The following ARMH4 variants were observed in gnomAD, a reference collection of about 807,000 sequenced individuals.
The protein encoded by ARMH4 is armadillo like helical domain containing 4, also known as armadillo-like helical domain-containing protein 4.
In ARMH4, 49 loss-of-function variants were observed where a neutral mutation model predicts 61.9. The observed-to-expected ratio is 0.79, with a 90% CI of 0.63 to 1.00. The LOEUF (loss-of-function observed/expected upper bound fraction) is 1.00. Ranked by LOEUF, ARMH4 falls within the 50% of genes least tolerant of loss-of-function variation. The probability of loss-of-function intolerance (pLI) is 0.00; values close to 1 mark genes in which losing one functional copy is unlikely to be tolerated. For synonymous variants in ARMH4, 368 were observed against 341.5 expected, an observed-to-expected ratio of 1.08 and a Z score of -0.85; for missense variants, 934 against 930.0, an observed-to-expected ratio of 1.00 and a Z score of -0.06.
intron 5 of ARMH4, among the ~76,000 whole-genome samples, chr14:58,064,908 A>G (rs1276457899): frequency 2.0e-5 from 3 of 152,202 alleles, no homozygotes; most frequent in Non-Finnish European, 4.4e-5. Context: ...GTAATGCTGG[A>G]TCTTGTAGGA....
At position 58,138,141 on chromosome 14, in the gene ARMH4, G is replaced by A; in HGVS notation, c.1218C>T (p.Asp406=). 6.2e-7 allele frequency: 1 copy of A among 1,614,214 alleles called. No individual in the cohort carries two copies. The highest frequency in any genetic ancestry group is 8.5e-7 in the Non-Finnish European group (1 of 1,180,038). Reference sequence around the variant, plus strand: ...GCAAGTTCACAATGGAAACTTTCATGTCTTCCATCAGACTTGTGGGGGTAA... The same window carrying A: ...GCAAGTTCACAATGGAAACTTTCATATCTTCCATCAGACTTGTGGGGGTAA... The part of the protein sequence containing the change: ...SSFTPTSLME[D]MKVSIVNLLQ... The change falls in exon 2 of 8, where the codon GAC becomes GAT. Residue 406 remains aspartate, a synonymous_variant. Transcript: ENST00000267485.
chr14:58,083,024 A>G (rs1885274844), intron 5 of ARMH4, among the ~76,000 whole-genome samples: 1 of 152,178 alleles, frequency 6.6e-6, no homozygotes, highest in Non-Finnish European at 1.5e-5. Flanking sequence ...CTAGCTGCAG[A>G]GGATCCAGTG....
intron 4 of ARMH4, among the ~76,000 whole-genome samples, chr14:58,117,824 T>G (rs531712302): frequency 6.6e-6 from 1 of 152,054 alleles, no homozygotes; most frequent in African/African-American, 2.4e-5. Context: ...AGTGGTATGA[T>G]CACAGTTCAC....
chr14:58,089,597 C>T (rs1885493490), intron 5 of ARMH4, among the ~76,000 whole-genome samples: 1 of 152,186 alleles, frequency 6.6e-6, no homozygotes, highest in Admixed American at 6.5e-5. Flanking sequence ...AAATTAATCC[C>T]TTACAGTGCA....
intron 5 of ARMH4, among the ~76,000 whole-genome samples, chr14:58,082,804 C>A (rs945598663): frequency 6.6e-6 from 1 of 152,146 alleles, no homozygotes; most frequent in Non-Finnish European, 1.5e-5. Context: ...TTGAGAAAGT[C>A]CACCCCTGAA....
chr14:58,066,720 C>T (rs1242982073), intron 5 of ARMH4, among the ~76,000 whole-genome samples: 2 of 152,190 alleles, frequency 1.3e-5, no homozygotes, highest in African/African-American at 4.8e-5. Flanking sequence ...AAACCAAAAA[C>T]AGCTGTACTG....
intron 5 of ARMH4, among the ~76,000 whole-genome samples, chr14:58,089,618 T>C (rs1384278629): frequency 6.6e-6 from 1 of 152,218 alleles, no homozygotes; most frequent in Non-Finnish European, 1.5e-5. Flanking sequence ...TAATAAATGA[T>C]AATGTTTTAA....
At chr14:58,012,981 T>C (rs12884342) in intron 5 of ARMH4, among the ~76,000 whole-genome samples, 26,733 of 152,182 alleles carry the variant, frequency 0.18, 3,166 homozygotes, top group East Asian at 0.56. Context: ...TGTTTCAACA[T>C]TGAATGAAGA....
chr14:58,146,296 A>G (rs1405053584), intron 1 of ARMH4, among the ~76,000 whole-genome samples: 1 of 152,236 alleles, frequency 6.6e-6, no homozygotes, highest in Non-Finnish European at 1.5e-5. Flanking sequence ...AATCATAAGA[A>G]TGTTTAACAA....
rs1250108357 is a variant in ARMH4 at position 58,131,641 on chromosome 14, C to G, written c.1702G>C (p.Val568Leu). The G allele has an allele frequency of 1.2e-6, 2 of 1,614,112 alleles. No homozygotes were observed. The highest frequency in any genetic ancestry group is 3.3e-5 in the Admixed American group (2 of 60,028). ...GSPVTPPGIM[V>L]GEPSISPALP... ...GCAGGGGAAATGCTGGGTTCCCCCA[C>G]CATTATTCCAGGAGGTGTCACTGGA... Residue 568 changes from valine (V) to leucine (L), a missense_variant, in exon 4 of 8, where the codon GTG becomes CTG. By Grantham distance (32) the Val-to-Leu change is conservative (BLOSUM62 1). Coordinates refer to ENST00000267485, the MANE Select transcript of ARMH4 (RefSeq NM_001001872.4).
chr14:58,060,580 C>T (rs1884495791), intron 5 of ARMH4, among the ~76,000 whole-genome samples: 1 of 152,176 alleles, frequency 6.6e-6, no homozygotes, highest in African/African-American at 2.4e-5. Flanking sequence ...AAAAACTAAG[C>T]ATCTGTGACA....
chr14:58,077,570 G>T (rs996329119), intron 5 of ARMH4, among the ~76,000 whole-genome samples: 8 of 152,204 alleles, frequency 5.3e-5, no homozygotes, highest in Non-Finnish European at 8.8e-5. Flanking sequence ...TTGCACCACT[G>T]CACTCCAGCC....
chr14:58,081,060 C>T (rs904317478), intron 5 of ARMH4, among the ~76,000 whole-genome samples: 1 of 151,836 alleles, frequency 6.6e-6, no homozygotes, highest in Non-Finnish European at 1.5e-5. Context: ...CAAGATTGTG[C>T]CACTGTACTC....
intron 5 of ARMH4, among the ~76,000 whole-genome samples, chr14:58,020,377 G>A (rs1225962704): frequency 4.6e-5 from 7 of 152,110 alleles, no homozygotes; most frequent in Non-Finnish European, 8.8e-5. Context: ...TCTCCTCTCT[G>A]TTCCCTCGGA....
chr14:58,117,658 C>T lies in ARMH4; in HGVS notation c.1831+13854G>A, dbSNP rs7154515. The stretch of plus-strand genomic sequence containing the variant: ...TATGTTTATTGAATGGAAATAAACT[C>T]AACAACACCCTATCTTCCTCTTCAA... On this transcript the variant is annotated intron_variant, in intron 4 of 7. Coordinates refer to ENST00000267485, the MANE Select transcript of ARMH4 (RefSeq NM_001001872.4). Among the ~76,000 whole-genome samples, 543 of 152,246 alleles carry T rather than the reference C, an allele frequency of 3.6e-3. 2 individuals carry two copies. Among genetic ancestry groups the T allele is most frequent in the Non-Finnish European group, 6.0e-3 (405 of 68,020 alleles).
chr14:58,030,142 G>C (rs764886609), intron 5 of ARMH4, among the ~76,000 whole-genome samples: 1 of 152,224 alleles, frequency 6.6e-6, no homozygotes, highest in African/African-American at 2.4e-5. Context: ...GGGTAAAGAA[G>C]CTATGTGGTC....
rs142035743 is a variant in ARMH4, at chr14:58,082,501, G to C, written c.2089+14223C>G. Among the ~76,000 whole-genome samples the C allele has an allele frequency of 9.2e-5, 14 of 152,238 alleles. No homozygotes were observed. In the East Asian group the frequency reaches 1.3e-3, roughly 15 times the overall value. ...TCAGAGAAGTTAAAAACTCATCCAG[G>C]GTCAATGGCAGCAAAGTGAAGGCTT... On this transcript the variant is annotated intron_variant, in intron 5 of 7. Coordinates refer to ENST00000267485, the MANE Select transcript of ARMH4 (RefSeq NM_001001872.4).
chr14:58,012,703 G>T (rs1882452858), intron 5 of ARMH4, among the ~76,000 whole-genome samples: 1 of 152,198 alleles, frequency 6.6e-6, no homozygotes, highest in Non-Finnish European at 1.5e-5. Flanking sequence ...CATATAACTT[G>T]TGAACTGTAC....
chr14:58,129,518 A>T (rs1594774230), intron 4 of ARMH4, among the ~76,000 whole-genome samples: 1 of 152,216 alleles, frequency 6.6e-6, no homozygotes, highest in Admixed American at 6.5e-5. Flanking sequence ...AAAAAAAATT[A>T]CCTGCCTCTA....
Sources: gnomAD v4.1 joint callset for allele counts (sites outside exome capture counted in the v4.1 genomes callset) on GRCh38, gnomAD v4.1.1 for gene constraint, MANE v1.5 for transcripts, NCBI Gene and HGNC (gene_info 2026-07-23, HGNC 2026-07-21) for gene names.